Variants in WIPF1 observed in about 807,000 individuals in gnomAD.
WIPF1 encodes WAS/WASL interacting protein family member 1, also known as WAS/WASL-interacting protein family member 1.
A neutral mutation model predicts 35.4 loss-of-function variants in WIPF1; 13 were observed. That is an observed-to-expected ratio of 0.37 (90% CI 0.24 to 0.58). The LOEUF (loss-of-function observed/expected upper bound fraction) is 0.58. Ranked by LOEUF, WIPF1 falls within the 20% of genes least tolerant of loss-of-function variation. WIPF1 has a pLI of 0.74. For synonymous variants in WIPF1, 267 were observed against 266.3 expected (o/e 1.00, Z -0.02); for missense variants, 591 against 667.0 (o/e 0.89, Z 1.25).
chr2:174,630,210 A>T (rs1339872133), intron 1 of WIPF1, among the ~76,000 whole-genome samples: 3 of 152,342 alleles, frequency 2.0e-5, no homozygotes, highest in Non-Finnish European at 2.9e-5. Flanking sequence ...GTTAACTTAA[A>T]ATATGTCATA....
intron 1 of WIPF1, among the ~76,000 whole-genome samples, chr2:174,589,818 C>G (rs1299361618): frequency 6.6e-6 from 1 of 152,200 alleles, no homozygotes; most frequent in African/African-American, 2.4e-5. Context: ...AGATCCATTG[C>G]TAGATCTTGT....
At chr2:174,645,807 G>A (rs1045944140) in intron 1 of WIPF1, among the ~76,000 whole-genome samples, 6 of 152,148 alleles carry the variant, frequency 3.9e-5, no homozygotes, top group South Asian at 2.1e-4. Flanking sequence ...CCAAACTGGC[G>A]CTTTCCAACG....
At position 174,581,383 on chromosome 2, in the gene WIPF1, G is replaced by A. The variant is rs753986212; in HGVS notation, c.108C>T (p.Leu36=). Residue 36 remains leucine, a synonymous_variant, in exon 3 of 8, where the codon CTC becomes CTT. Coordinates refer to ENST00000679041, the MANE Select transcript of WIPF1 (RefSeq NM_001375834.1). ...TCTTCCCTTTGCTGATATCAGAAAG[G>A]AGAGCATTTCTCCCAGCCTGCTCTG... ...NKTEQAGRNA[L]LSDISKGKKL... 6.2e-7 allele frequency: 1 copy of A among 1,614,018 alleles called. No homozygotes were observed. Among genetic ancestry groups the A allele is most frequent in the Admixed American group, 1.7e-5 (1 of 60,016 alleles).
intron 1 of WIPF1, among the ~76,000 whole-genome samples, chr2:174,670,821 C>A (rs1688000346): frequency 6.6e-6 from 1 of 152,228 alleles, no homozygotes; most frequent in Non-Finnish European, 1.5e-5. Flanking sequence ...TCAGCAATCG[C>A]TGCCATCATA....
intron 1 of WIPF1, among the ~76,000 whole-genome samples, chr2:174,642,642 C>T (rs952846654): frequency 0.011 from 1,485 of 140,370 alleles, 32 homozygotes; most frequent in African/African-American, 0.044. Flanking sequence ...CCGCCGCGCC[C>T]GGCCTTTTTT....
At chr2:174,617,518 G>C (rs1376244651) in intron 1 of WIPF1, among the ~76,000 whole-genome samples, 2 of 152,164 alleles carry the variant, frequency 1.3e-5, no homozygotes, top group Admixed American at 6.5e-5. Flanking sequence ...GGAGCAAATG[G>C]TAATTTCTAT....
At chr2:174,643,559 C>A (rs911174261) in intron 1 of WIPF1, among the ~76,000 whole-genome samples, 3 of 148,590 alleles carry the variant, frequency 2.0e-5, no homozygotes, top group East Asian at 1.9e-4. Flanking sequence ...ATTACAGGCA[C>A]GCAACACCAA....
At chr2:174,579,262 TC>T (rs1319155923) in intron 3 of WIPF1, among the ~76,000 whole-genome samples, 2 of 152,218 alleles carry the variant, frequency 1.3e-5, no homozygotes, top group African/African-American at 4.8e-5. Context: ...TGCCTCAGCC[TC>T]CCAAAGTGCT....
At chr2:174,613,678 C>G (rs746660439) in intron 1 of WIPF1, among the ~76,000 whole-genome samples, 1 of 152,132 alleles carries the variant, frequency 6.6e-6, no homozygotes, top group African/African-American at 2.4e-5. Context: ...CTCCCCAGTT[C>G]GTGCTACTTG....
rs962702774 is a variant in WIPF1, at chr2:174,567,256, G to A, written c.1343-73C>T. 6 of 1,336,702 alleles carry A rather than the reference G, an allele frequency of 4.5e-6. No homozygotes were observed. The African/African-American group carries it at 5.8e-5, about 13-fold the overall frequency. 82.8% of individuals were successfully genotyped at this position (1,336,702 alleles called of 1,614,324 possible). The stretch of plus-strand genomic sequence containing the variant: ...GAAGACTTACGTAACGAAAGGCACA[G>A]AATGAAAGAGAGAGAGAACCACAGA... On this transcript the variant is annotated intron_variant, in intron 6 of 7. Coordinates refer to ENST00000679041, the MANE Select transcript of WIPF1 (RefSeq NM_001375834.1).
At chr2:174,592,792 GATGGGGTTTCACC>G (rs1685662631) in intron 1 of WIPF1, among the ~76,000 whole-genome samples, 1 of 151,948 alleles carries the variant, frequency 6.6e-6, no homozygotes. Context: ...TCTTGGTAGA[GATGGGGTTTCACC>G]ATGTTGGCCA....
intron 1 of WIPF1, among the ~76,000 whole-genome samples, chr2:174,595,556 G>A (rs530926017): frequency 6.6e-6 from 1 of 152,142 alleles, no homozygotes; most frequent in East Asian, 1.9e-4. Flanking sequence ...AATAAAATAA[G>A]CAAAGGTGAA....
upstream of WIPF1, among the ~76,000 whole-genome samples, chr2:174,598,455 G>A (rs1185810004): frequency 6.6e-6 from 1 of 152,110 alleles, no homozygotes; most frequent in East Asian, 1.9e-4. Flanking sequence ...GAGACTACAG[G>A]CATATGCCAC....
At chr2:174,645,053 A>G (rs917040418) in intron 1 of WIPF1, among the ~76,000 whole-genome samples, 2 of 152,174 alleles carry the variant, frequency 1.3e-5, no homozygotes, top group African/African-American at 2.4e-5. Flanking sequence ...AATAGGGATA[A>G]AGGTATAGCA....
intron 1 of WIPF1, among the ~76,000 whole-genome samples, chr2:174,650,395 C>T (rs1251734022): frequency 6.6e-6 from 1 of 152,224 alleles, no homozygotes; most frequent in African/African-American, 2.4e-5. Context: ...TCTGTGTACA[C>T]ACAACATGTA....
intron 1 of WIPF1, among the ~76,000 whole-genome samples, chr2:174,648,021 T>G (rs1388361174): frequency 1.3e-5 from 2 of 152,214 alleles, no homozygotes; most frequent in Non-Finnish European, 2.9e-5. Context: ...TACATCCATT[T>G]GAGCAACATC....
At chr2:174,598,010 G>A (rs1356993599), upstream of WIPF1, among the ~76,000 whole-genome samples, 3 of 152,218 alleles carry the variant, frequency 2.0e-5, no homozygotes, top group South Asian at 2.1e-4. Flanking sequence ...TCCACTCAGT[G>A]AAGAGTCCAA....
chr2:174,666,677 A>G (rs563538227), intron 1 of WIPF1, among the ~76,000 whole-genome samples: 19 of 152,380 alleles, frequency 1.2e-4, no homozygotes, highest in Admixed American at 1.2e-3. Flanking sequence ...GAGAGCTGGA[A>G]GCCACTTTCT....
At chr2:174,573,369 A>G (rs1047695828) in intron 4 of WIPF1, among the ~76,000 whole-genome samples, 2 of 152,200 alleles carry the variant, frequency 1.3e-5, no homozygotes, top group Non-Finnish European at 2.9e-5. Context: ...GAGACTAGAG[A>G]CAGAGGAGTA....
Sources: allele counts gnomAD v4.1 joint callset (sites outside exome capture counted in the v4.1 genomes callset), GRCh38; gene constraint gnomAD v4.1.1; transcripts MANE v1.5; gene names NCBI Gene and HGNC (gene_info 2026-07-23, HGNC 2026-07-21).